Variants in MTFR2 observed in about 807,000 individuals in gnomAD.
The protein encoded by MTFR2 is DUF729 domain-containing protein 1.
A neutral mutation model predicts 41.2 loss-of-function variants in MTFR2; 44 were observed. The observed-to-expected ratio is 1.07, with a 90% CI of 0.84 to 1.37. MTFR2 has a LOEUF of 1.37. Among genes scored for constraint, MTFR2 ranks in the 40% most tolerant of loss-of-function variants. The pLI is 0.00. For synonymous variants in MTFR2, 141 were observed against 154.6 expected (o/e 0.91, Z 0.65); for missense variants, 452 against 459.5 (o/e 0.98, Z 0.15).
intron 5 of MTFR2, among the ~76,000 whole-genome samples, chr6:136,240,380 T>C (rs1780023059): frequency 6.6e-6 from 1 of 151,626 alleles, no homozygotes; most frequent in East Asian, 1.9e-4. Flanking sequence ...TTATTGTATA[T>C]TATATAATGT....
chr6:136,239,455 C>T lies in MTFR2; in HGVS notation c.869+11G>A, dbSNP rs990315036. 3 of 1,544,112 alleles carry T rather than the reference C, an allele frequency of 1.9e-6. No individual in the cohort carries two copies. The highest frequency in any genetic ancestry group is 2.6e-6 in the Non-Finnish European group (3 of 1,142,472). ...AAATTTCAGTTCACTTTTCAAATTACAACAACATACCGCTCAATTGCACGA... is the reference window on the plus strand; with the variant it reads ...AAATTTCAGTTCACTTTTCAAATTATAACAACATACCGCTCAATTGCACGA... On this transcript the variant is annotated intron_variant, in intron 6 of 7. Coordinates refer to ENST00000420702, the MANE Select transcript of MTFR2 (RefSeq NM_001099286.3).
At chr6:136,233,842 A>G (rs1325971883) in intron 6 of MTFR2, among the ~76,000 whole-genome samples, 1 of 151,298 alleles carries the variant, frequency 6.6e-6, no homozygotes, top group African/African-American at 2.4e-5. Context: ...AAAGGACGAG[A>G]GTTCATGCCA....
Position 136,249,134 on chromosome 6 carries a change from C to CT in MTFR2, c.-36_-35insA, listed in dbSNP as rs1172482301. ...AAATACAGAAGCCAATTCAAAGGAA[C>CT]ATTATCAGTTTCTTGGTGCCTTTGG... On this transcript the variant is annotated 5_prime_UTR_variant, in exon 2 of 8. It removes an upstream start codon present in the reference 5' UTR. Coordinates refer to ENST00000420702, the MANE Select transcript of MTFR2 (RefSeq NM_001099286.3). 1 of 1,538,224 alleles carries CT rather than the reference C, an allele frequency of 6.5e-7. No individual in the cohort carries two copies. The highest frequency in any genetic ancestry group is 8.7e-7 in the Non-Finnish European group (1 of 1,147,338).
At chr6:136,241,856 C>G (rs1780083841) in intron 4 of MTFR2, among the ~76,000 whole-genome samples, 180 bp from the exon 5 acceptor site, 1 of 151,966 alleles carries the variant, frequency 6.6e-6, no homozygotes, top group African/African-American at 2.4e-5. Flanking sequence ...GGCAGTGAAT[C>G]ACCTGAGGCC....
At chr6:136,239,406 A>T in intron 6 of MTFR2, 60 bp downstream of exon 6, 1 of 1,286,946 alleles carries the variant, frequency 7.8e-7, no homozygotes, top group Non-Finnish European at 1.1e-6. Flanking sequence ...AAACATAATA[A>T]TTTTTCTAAA....
intron 2 of MTFR2, among the ~76,000 whole-genome samples, chr6:136,247,031 A>T (rs1390241701): frequency 6.6e-6 from 1 of 152,056 alleles, no homozygotes; most frequent in Non-Finnish European, 1.5e-5. Flanking sequence ...CCTCAACTTC[A>T]CTTCTCTTAC....
intron 6 of MTFR2, among the ~76,000 whole-genome samples, chr6:136,233,841 G>A (rs1369844222): frequency 6.7e-6 from 1 of 150,242 alleles, no homozygotes; most frequent in African/African-American, 2.5e-5. Context: ...AAAAGGACGA[G>A]AGTTCATGCC....
intron 4 of MTFR2, among the ~76,000 whole-genome samples, chr6:136,242,079 CAAAAAAAAAAA>C (rs548176168): frequency 2.3e-4 from 4 of 17,500 alleles, no homozygotes; most frequent in South Asian, 3.0e-3. Flanking sequence ...GACTCTGTCT[CAAAAAAAAAAA>C]AAAAAAAAAA....
At chr6:136,248,847 T>C (rs1780286730) in intron 2 of MTFR2, 190 bp downstream of exon 2, 1 of 548,424 alleles carries the variant, frequency 1.8e-6, no homozygotes, top group African/African-American at 2.0e-5. Flanking sequence ...ATCAGGTAAA[T>C]ATGTTCTCAA....
intron 2 of MTFR2, among the ~76,000 whole-genome samples, chr6:136,246,927 T>C (rs2128459531): frequency 6.6e-6 from 1 of 152,320 alleles, no homozygotes; most frequent in Admixed American, 6.5e-5. Context: ...GTCTCCAATC[T>C]CTGAAATCCC....
chr6:136,237,785 C>T (rs552496838), intron 6 of MTFR2, among the ~76,000 whole-genome samples: 1 of 151,828 alleles, frequency 6.6e-6, no homozygotes, highest in African/African-American at 2.4e-5. Context: ...CACTGCACTC[C>T]AGCCCGGGCG....
intron 5 of MTFR2, among the ~76,000 whole-genome samples, chr6:136,240,864 G>T (rs1182341243): frequency 2.0e-5 from 3 of 152,118 alleles, no homozygotes; most frequent in Non-Finnish European, 2.9e-5. Context: ...GGCCAAGGCG[G>T]GCAGATCACG....
intron 6 of MTFR2, 98 bp downstream of exon 6, chr6:136,239,368 G>T: frequency 1.1e-6 from 1 of 916,990 alleles, no homozygotes; most frequent in Non-Finnish European, 1.6e-6. Flanking sequence ...AGAAGAATAA[G>T]AAAAAAGACA....
At chr6:136,237,203 C>T (rs964000701) in intron 6 of MTFR2, among the ~76,000 whole-genome samples, 35 of 152,166 alleles carry the variant, frequency 2.3e-4, no homozygotes, top group African/African-American at 8.4e-4. Context: ...GTGTGGCCAA[C>T]AAAATGGTCC....
chr6:136,247,842 C>T (rs182647138), intron 2 of MTFR2, among the ~76,000 whole-genome samples: 3 of 152,300 alleles, frequency 2.0e-5, no homozygotes, highest in Admixed American at 6.5e-5. Context: ...TTGCCATTAT[C>T]GAAGTCCATG....
chr6:136,246,540 C>T (rs560857706), intron 2 of MTFR2, among the ~76,000 whole-genome samples: 1 of 152,214 alleles, frequency 6.6e-6, no homozygotes, highest in South Asian at 2.1e-4. Context: ...GCCTCAGCCT[C>T]CCACAGTGTT....
intron 6 of MTFR2, among the ~76,000 whole-genome samples, chr6:136,239,064 C>T (rs60575278): frequency 0.011 from 1,689 of 152,226 alleles, 20 homozygotes; most frequent in East Asian, 0.038. Flanking sequence ...TGAGAAATGG[C>T]TTACTGTGGA....
intron 5 of MTFR2, 89 bp downstream of exon 5, chr6:136,241,355 A>T: frequency 1.0e-6 from 1 of 964,788 alleles, no homozygotes. Context: ...TATACGTACT[A>T]TATTCAGTAC....
chr6:136,239,075 T>A (rs1240986415), intron 6 of MTFR2, among the ~76,000 whole-genome samples: 1 of 152,210 alleles, frequency 6.6e-6, no homozygotes. Context: ...TTACTGTGGA[T>A]GTTCACTGTT....
Sources: gnomAD v4.1 joint callset for allele counts (sites outside exome capture counted in the v4.1 genomes callset) on GRCh38, gnomAD v4.1.1 for gene constraint, MANE v1.5 for transcripts, NCBI Gene and HGNC (gene_info 2026-07-23, HGNC 2026-07-21) for gene names.